DMD: variants seen among roughly 807,000 people sequenced by gnomAD.
The protein encoded by DMD is dystrophin.
In DMD, 63 loss-of-function variants were observed where a neutral mutation model predicts 330.1. The observed-to-expected ratio is 0.19, with a 90% CI of 0.16 to 0.24. The LOEUF (loss-of-function observed/expected upper bound fraction) is 0.24. Ranked by LOEUF, DMD falls within the 10% of genes least tolerant of loss-of-function variation. The pLI, the probability that DMD is intolerant of heterozygous loss-of-function variation, is 1.00. For synonymous variants in DMD, 1,223 were observed against 959.8 expected (o/e 1.27, Z -5.07); for missense variants, 3,344 against 2,684.1 (o/e 1.25, Z -5.43).
At position 32,895,161 on chromosome X, in the gene DMD, G is replaced by T. The variant is rs376749992; in HGVS notation, c.94-45341C>A. ...ATCTTACCCTAATTAATTCCCAAAG[G>T]TTCCATCTCCAAATATCGTCCCATT... is the stretch of plus-strand genomic sequence containing the variant. On this transcript the variant is annotated intron_variant, in intron 2 of 78. Transcript: ENST00000357033. Among the ~76,000 whole-genome samples the T allele has an allele frequency of 1.2e-4, 14 of 112,146 alleles. 1 individual carries two copies. The highest frequency in any genetic ancestry group is 7.6e-4 in the Admixed American group (8 of 10,582).
At chrX:31,880,707 C>A (rs1168426928) in intron 47 of DMD, among the ~76,000 whole-genome samples, 1 of 112,093 alleles carries the variant, frequency 8.9e-6, no homozygotes. Context: ...TACAATGGAG[C>A]TGAAAAATTC....
chrX:32,050,015 A>G (rs1260543258), intron 44 of DMD, among the ~76,000 whole-genome samples: 1 of 111,881 alleles, frequency 8.9e-6, no homozygotes, highest in Non-Finnish European at 1.9e-5. Context: ...AGTTAAGTAT[A>G]TTTAACAACT....
At chrX:33,306,508 A>G (rs966756225) in intron 1 of DMD, among the ~76,000 whole-genome samples, 1 of 111,283 alleles carries the variant, frequency 9.0e-6, no homozygotes, top group Non-Finnish European at 1.9e-5. Context: ...TAGAGGGAAC[A>G]ACATTTAATT....
At chrX:33,251,794 T>C (rs1258349351) in intron 1 of DMD, among the ~76,000 whole-genome samples, 1 of 111,613 alleles carries the variant, frequency 9.0e-6, no homozygotes, top group Non-Finnish European at 1.9e-5. Context: ...GGGCCACATC[T>C]TGAGAAAATA....
In DMD at chrX:32,096,856, T is replaced by G. The variant is rs373122762; in HGVS notation, c.6438+120060A>C. Among the ~76,000 whole-genome samples, 3 of 112,080 alleles carry G rather than the reference T, an allele frequency of 2.7e-5. No homozygotes were observed. In the East Asian group the frequency reaches 8.5e-4, roughly 32 times the overall value. ...ATGAGTCCAGATGACCAAACTCCTC[T>G]GCTCTGCAGATGCCATATGTAATGC... On this transcript the variant is annotated intron_variant, in intron 44 of 78. Transcript: ENST00000357033.
At position 31,875,365 on chromosome X, in the gene DMD, T is replaced by C. The variant is rs756907565; in HGVS notation, c.6921A>G (p.Arg2307=). ...TTTCTCCTTGTTTCTCAGGTAAAGC[T>C]CTGGAAACCTGAAAGGAAAATACAT... ...QTNLQWIKVS[R]ALPEKQGEIE... Residue 2307 remains arginine (R), a synonymous_variant, in exon 48 of 79, where the codon AGA becomes AGG. Transcript: ENST00000357033. 1.4e-5 allele frequency: 17 copies of C among 1,200,461 alleles called. No homozygotes were observed. Among genetic ancestry groups the C allele is most frequent in the East Asian group, 3.0e-5 (1 of 33,627 alleles).
At chrX:32,149,802 T>A (rs1433253401) in intron 44 of DMD, among the ~76,000 whole-genome samples, 1 of 111,440 alleles carries the variant, frequency 9.0e-6, no homozygotes, top group Admixed American at 9.6e-5. Context: ...CATGCAAAAA[T>A]GATCTAATGG....
At chrX:33,326,580 C>T (rs2054092552) in intron 1 of DMD, among the ~76,000 whole-genome samples, 1 of 111,972 alleles carries the variant, frequency 8.9e-6, no homozygotes, top group Non-Finnish European at 1.9e-5. Context: ...GAGGCATTCA[C>T]ATGGTGGATA....
intron 2 of DMD, among the ~76,000 whole-genome samples, chrX:32,979,344 C>T (rs367738915): frequency 4.5e-5 from 5 of 111,933 alleles, no homozygotes; most frequent in Non-Finnish European, 7.5e-5. Flanking sequence ...ACATGACCTA[C>T]TGTTGTTACC....
At chrX:32,972,486 A>T (rs1366135464) in intron 2 of DMD, among the ~76,000 whole-genome samples, 1 of 112,049 alleles carries the variant, frequency 8.9e-6, no homozygotes, top group African/African-American at 3.2e-5. Flanking sequence ...AGCCTAAAAA[A>T]ATTGTTATTG....
rs1201445472 is a variant in DMD, at chrX:31,389,549, C to T, written c.9085-40915G>A. On this transcript the variant is annotated intron_variant, in intron 60 of 78. Coordinates refer to ENST00000357033, the MANE Select transcript of DMD (RefSeq NM_004006.3). ...GGAATAAGATAAAGATGCCGAAACT[C>T]AGATTCTATTATAATCACAGATTAT... is the stretch of plus-strand genomic sequence containing the variant. Among the ~76,000 whole-genome samples, 3 of 112,073 alleles carry T rather than the reference C, an allele frequency of 2.7e-5. No homozygotes were observed. The East Asian group carries it at 8.4e-4, about 31-fold the overall frequency.
rs138937492 is a variant in DMD at position 32,370,219 on chromosome X, GTTT to G, written c.4846-5023_4846-5021del. Among the ~76,000 whole-genome samples the G allele has an allele frequency of 6.5e-3, 616 of 95,357 alleles. 5 individuals carry two copies. The highest frequency in any genetic ancestry group is 9.8e-3 in the Non-Finnish European group (466 of 47,555). The allele number at this position is 95,357 out of a possible 115,157, so 82.8% of individuals were successfully genotyped here. A position where few individuals can be genotyped will look rare whatever the true frequency, so the allele number is the denominator to read the frequency against. On this transcript the variant is annotated intron_variant, in intron 34 of 78. Coordinates refer to ENST00000357033, the MANE Select transcript of DMD (RefSeq NM_004006.3). The stretch of plus-strand genomic sequence containing the variant: ...TAAGGTTTACCTTGAAAGTGGTAGT[GTTT>G]TTTTTTTTTTTTTTAAATTCTCAGC...
At chrX:32,063,618 A>C (rs1026115956) in intron 44 of DMD, among the ~76,000 whole-genome samples, 1 of 111,387 alleles carries the variant, frequency 9.0e-6, no homozygotes, top group Non-Finnish European at 1.9e-5. Flanking sequence ...TATGATTCTC[A>C]TATCTTTCAA....
intron 2 of DMD, among the ~76,000 whole-genome samples, chrX:32,859,822 C>A (rs1470866217): frequency 9.0e-6 from 1 of 111,097 alleles, no homozygotes; most frequent in African/African-American, 3.3e-5. Context: ...AATATTTTTT[C>A]TTTAAAATTC....
At chrX:31,682,040 C>T (rs1001918313) in intron 52 of DMD, among the ~76,000 whole-genome samples, 2 of 112,141 alleles carry the variant, frequency 1.8e-5, no homozygotes, top group Non-Finnish European at 3.8e-5. Context: ...GAGATCATGC[C>T]GCTGCACTCC....
At chrX:32,804,130 G>A (rs781041758) in intron 7 of DMD, among the ~76,000 whole-genome samples, 22 of 111,545 alleles carry the variant, frequency 2.0e-4, no homozygotes, top group East Asian at 8.6e-4. Context: ...AGACAGAACC[G>A]TTCACTCCCC....
intron 2 of DMD, among the ~76,000 whole-genome samples, chrX:32,914,416 C>T (rs1050004717): frequency 8.9e-6 from 1 of 112,229 alleles, no homozygotes; most frequent in Non-Finnish European, 1.9e-5. Context: ...ACCAGCACAG[C>T]GACTTTAGGC....
intron 1 of DMD, among the ~76,000 whole-genome samples, chrX:33,231,220 G>T (rs776769977): frequency 4.5e-5 from 5 of 111,341 alleles, no homozygotes; most frequent in African/African-American, 1.6e-4. Context: ...TTAGAAAGTA[G>T]GGCACATTGT....
chrX:32,504,203 T>G (rs757078614), intron 18 of DMD, among the ~76,000 whole-genome samples: 1 of 112,630 alleles, frequency 8.9e-6, no homozygotes, highest in African/African-American at 3.2e-5. Context: ...CCAATTTATT[T>G]ACTTTCATGT....
Sources: gnomAD v4.1 joint callset for allele counts (sites outside exome capture counted in the v4.1 genomes callset) on GRCh38, gnomAD v4.1.1 for gene constraint, MANE v1.5 for transcripts, NCBI Gene and HGNC (gene_info 2026-07-23, HGNC 2026-07-21) for gene names.